Variants in DGKB observed in about 807,000 individuals in gnomAD.
DGKB encodes diacylglycerol kinase beta, also known as 90 kDa diacylglycerol kinase.
Under a neutral mutation model 114.3 loss-of-function variants are expected in DGKB, and 67 were observed. The observed-to-expected ratio is 0.59, with a 90% CI of 0.48 to 0.72. The LOEUF (loss-of-function observed/expected upper bound fraction) is 0.72, where lower values mean the gene tolerates loss of function less well. Among genes scored for constraint, DGKB ranks in the 30% least tolerant of loss-of-function variants. The pLI is 0.00. For synonymous variants in DGKB, 398 were observed against 323.1 expected (o/e 1.23, Z -2.49); for missense variants, 907 against 975.2 (o/e 0.93, Z 0.93).
In DGKB at chr7:14,694,061, G is replaced by A. The variant is rs1333125819; in HGVS notation, c.711+14C>T. The A allele has an allele frequency of 1.3e-6, 2 of 1,569,992 alleles. No individual in the cohort carries two copies. Among genetic ancestry groups the A allele is most frequent in the Non-Finnish European group, 1.7e-6 (2 of 1,155,416 alleles). ...ACTCACCACCAGGCCACCCTCCTCT[G>A]TGGAAATGCTTACATTTTCTAAGCC... On this transcript the variant is annotated intron_variant, in intron 9 of 25. Transcript: ENST00000402815.
At chr7:14,549,464 T>A (rs1794800612) in intron 20 of DGKB, among the ~76,000 whole-genome samples, 2 of 152,234 alleles carry the variant, frequency 1.3e-5, no homozygotes, top group South Asian at 4.1e-4. Context: ...ATAACCTATA[T>A]AGTTATTTTA....
intron 21 of DGKB, among the ~76,000 whole-genome samples, chr7:14,383,187 A>G (rs546484580): frequency 1.6e-4 from 24 of 152,240 alleles, no homozygotes; most frequent in Middle Eastern, 6.8e-3. Flanking sequence ...CTCAGGGAAG[A>G]ACATCTGAGG....
chr7:14,150,158 G>A (rs1217237732), intron 25 of DGKB, among the ~76,000 whole-genome samples: 1 of 152,024 alleles, frequency 6.6e-6, no homozygotes, highest in African/African-American at 2.4e-5. Context: ...GACGCTAAGA[G>A]TTTTTCAAAA....
intron 15 of DGKB, among the ~76,000 whole-genome samples, chr7:14,619,675 A>G (rs184209850): frequency 3.1e-4 from 47 of 151,810 alleles, no homozygotes; most frequent in African/African-American, 1.1e-3. Context: ...AGTGAAACAC[A>G]TAAACTCTAG....
At chr7:14,386,304 T>A (rs568016570) in intron 21 of DGKB, among the ~76,000 whole-genome samples, 16 of 152,318 alleles carry the variant, frequency 1.1e-4, no homozygotes, top group Admixed American at 2.0e-4. Flanking sequence ...TATGATTTTT[T>A]AAAAATTTCT....
At chr7:14,503,243 T>G (rs1014750773) in intron 20 of DGKB, among the ~76,000 whole-genome samples, 1 of 152,164 alleles carries the variant, frequency 6.6e-6, no homozygotes, top group Non-Finnish European at 1.5e-5. Flanking sequence ...TTTAAGTTTG[T>G]AAGTTTTTAG....
intron 1 of DGKB, among the ~76,000 whole-genome samples, chr7:14,860,057 GTTTC>G (rs1166758846): frequency 6.6e-6 from 1 of 152,016 alleles, no homozygotes; most frequent in Non-Finnish European, 1.5e-5. Context: ...AAAGAAAACA[GTTTC>G]TTTAAGCACT....
At chr7:14,219,619 C>CTT (rs1562653380) in intron 23 of DGKB, among the ~76,000 whole-genome samples, 2 of 151,656 alleles carry the variant, frequency 1.3e-5, no homozygotes, top group African/African-American at 2.4e-5. Context: ...ATCTGCCATG[C>CTT]TGTAATTGGG....
At chr7:14,881,227 T>C (rs1854179762) in intron 1 of DGKB, among the ~76,000 whole-genome samples, 1 of 152,190 alleles carries the variant, frequency 6.6e-6, no homozygotes, top group South Asian at 2.1e-4. Context: ...TTCAGTTCAA[T>C]GACTATTATT....
At chr7:14,671,646 C>T (rs537123056) in intron 13 of DGKB, among the ~76,000 whole-genome samples, 1 of 152,032 alleles carries the variant, frequency 6.6e-6, no homozygotes, top group African/African-American at 2.4e-5. Flanking sequence ...GGAGGCAGAC[C>T]CCAGGCTCAC....
At chr7:14,507,241 AT>A (rs1326405042) in intron 20 of DGKB, among the ~76,000 whole-genome samples, 2 of 152,118 alleles carry the variant, frequency 1.3e-5, no homozygotes, top group African/African-American at 4.8e-5. Flanking sequence ...AGAGCAATGT[AT>A]TTTTTGATGC....
chr7:14,581,066 C>T, intron 18 of DGKB, 115 bp from the exon 19 acceptor site: 1 of 557,446 alleles, frequency 1.8e-6, no homozygotes, highest in South Asian at 3.1e-5. Flanking sequence ...TACTCATAAA[C>T]AAAACATAAT....
Position 14,245,026 on chromosome 7 carries a change from C to T in DGKB, c.2123-66875G>A, listed in dbSNP as rs17168015. Among the ~76,000 whole-genome samples, 638 of 152,138 alleles carry T rather than the reference C, an allele frequency of 4.2e-3. 4 individuals carry two copies. The highest frequency in any genetic ancestry group is 0.013 in the East Asian group (67 of 5,166). On this transcript the variant is annotated intron_variant, in intron 23 of 25. Coordinates refer to ENST00000402815, the MANE Select transcript of DGKB (RefSeq NM_001350709.2). ...ACTTCTGTTCTTCATATCACATATG[C>T]GGGAGAGTCATGTATGCAGTACTTT...
intron 7 of DGKB, 94 bp from the exon 8 acceptor site, chr7:14,698,263 T>A: frequency 1.4e-6 from 1 of 717,130 alleles, no homozygotes; most frequent in East Asian, 3.2e-5. Flanking sequence ...AATGTGTAGC[T>A]AAAAAAGTTA....
chr7:14,415,394 A>G (rs912512993), intron 21 of DGKB, among the ~76,000 whole-genome samples: 4 of 149,618 alleles, frequency 2.7e-5, no homozygotes, highest in African/African-American at 4.9e-5. Flanking sequence ...AGCATTAGGT[A>G]TATCTCCTAA....
chr7:14,542,911 T>C (rs1793696659), intron 20 of DGKB, among the ~76,000 whole-genome samples: 1 of 152,148 alleles, frequency 6.6e-6, no homozygotes, highest in African/African-American at 2.4e-5. Flanking sequence ...CAGCTGACTT[T>C]GCTGTGATGA....
At chr7:14,560,054 G>A (rs1436688468) in intron 20 of DGKB, among the ~76,000 whole-genome samples, 1 of 115,278 alleles carries the variant, frequency 8.7e-6, no homozygotes, top group African/African-American at 3.0e-5. Flanking sequence ...TTTGTAACTA[G>A]GTTATTAGAT....
chr7:14,366,366 T>A (rs1276922630), intron 21 of DGKB, among the ~76,000 whole-genome samples: 2 of 152,180 alleles, frequency 1.3e-5, no homozygotes, highest in African/African-American at 4.8e-5. Flanking sequence ...GCAGTACTAA[T>A]CAGAATTCAC....
intron 8 of DGKB, among the ~76,000 whole-genome samples, chr7:14,697,885 G>A (rs1298547068): frequency 7.1e-6 from 1 of 140,750 alleles, no homozygotes; most frequent in Non-Finnish European, 1.5e-5. Context: ...GGGAGGGAGG[G>A]GAGAAAGAAA....
Sources: allele counts gnomAD v4.1 joint callset (sites outside exome capture counted in the v4.1 genomes callset), GRCh38; gene constraint gnomAD v4.1.1; transcripts MANE v1.5; gene names NCBI Gene and HGNC (gene_info 2026-07-23, HGNC 2026-07-21).